The following FRMD3 variants were observed in gnomAD, a reference collection of about 807,000 sequenced individuals.
FRMD3 encodes the protein FERM domain containing 3, also known as FERM domain-containing protein 3.
A neutral mutation model predicts 70.2 loss-of-function variants in FRMD3; 33 were observed. The ratio of observed to expected loss-of-function variants is 0.47; its 90% CI spans 0.36 to 0.63. The LOEUF (loss-of-function observed/expected upper bound fraction) is 0.63, where lower values mean the gene tolerates loss of function less well. FRMD3 is among the 20% of genes least tolerant of loss of function. FRMD3 has a pLI of 0.00. For missense variants in FRMD3, 632 were observed against 711.4 expected (o/e 0.89, Z 1.27); for synonymous variants, 279 against 255.9 (o/e 1.09, Z -0.86).
chr9:83,505,860 A>G (rs149177152), intron 1 of FRMD3, among the ~76,000 whole-genome samples: 1 of 152,148 alleles, frequency 6.6e-6, no homozygotes, highest in African/African-American at 2.4e-5. Flanking sequence ...GTCCTCCGTG[A>G]TCCCGGAGAT....
intron 1 of FRMD3, among the ~76,000 whole-genome samples, chr9:83,513,113 CA>C (rs1829376039): frequency 1.3e-5 from 2 of 152,220 alleles, no homozygotes; most frequent in African/African-American, 4.8e-5. Context: ...CTCCCACATT[CA>C]TAGAGGCATT....
chr9:83,403,647 C>T (rs1826018162), intron 1 of FRMD3, among the ~76,000 whole-genome samples: 1 of 152,040 alleles, frequency 6.6e-6, no homozygotes, highest in Non-Finnish European at 1.5e-5. Flanking sequence ...GTCTAGTGTA[C>T]TTCACATAAG....
At chr9:83,513,418 AT>A (rs1829383587) in intron 1 of FRMD3, among the ~76,000 whole-genome samples, 1 of 152,188 alleles carries the variant, frequency 6.6e-6, no homozygotes, top group African/African-American at 2.4e-5. Context: ...GTATTATTTG[AT>A]TTTTATTATG....
the FRMD3 span, among the ~76,000 whole-genome samples, chr9:83,560,587 T>C: frequency 3.3e-5 from 5 of 152,218 alleles, no homozygotes; most frequent in Admixed American, 1.3e-4. Flanking sequence ...GGTTTGTAAG[T>C]GGTTTGTTAC....
chr9:83,488,946 C>T (rs1211279058), intron 1 of FRMD3, among the ~76,000 whole-genome samples: 3 of 149,270 alleles, frequency 2.0e-5, no homozygotes, highest in South Asian at 2.1e-4. Context: ...ATTTTCCCCT[C>T]AGCTGGAGCT....
rs1554710645 is a variant in FRMD3, at chr9:83,479,704, G to GAAAGAAAGAAAGAAAGAA, written c.147+58363_147+58380dup. On this transcript the variant is annotated intron_variant, in intron 1 of 13. Transcript: ENST00000304195. ...AGAAAGAAAGAAAGAAAGAAAGAAA[G>GAAAGAAAGAAAGAAAGAA]AAAGAAAGAAAGAAAGAAAAGAAAG... is the stretch of plus-strand genomic sequence containing the variant. Among the ~76,000 whole-genome samples, 151 of 64,806 alleles carry GAAAGAAAGAAAGAAAGAA rather than the reference G, an allele frequency of 2.3e-3. 6 individuals carry two copies. Among genetic ancestry groups the GAAAGAAAGAAAGAAAGAA allele is most frequent in the African/African-American group, 0.011 (141 of 13,336 alleles). The allele number at this position is 64,806 out of a possible 152,430, so 42.5% of individuals were successfully genotyped here.
At chr9:83,304,447 G>A (rs1422419904) in intron 10 of FRMD3, among the ~76,000 whole-genome samples, 1 of 152,118 alleles carries the variant, frequency 6.6e-6, no homozygotes, top group African/African-American at 2.4e-5. Context: ...TTTTGAATTA[G>A]AATGCACATT....
chr9:83,309,760 C>T (rs1835281848), intron 9 of FRMD3, 136 bp from the exon 10 acceptor site: 3 of 575,312 alleles, frequency 5.2e-6, no homozygotes, highest in Non-Finnish European at 9.4e-6. Context: ...TAACATATTG[C>T]TATGTTATTT....
chr9:83,467,727 T>G, intron 1 of FRMD3: 1 of 1,530,666 alleles, frequency 6.5e-7, no homozygotes, highest in Non-Finnish European at 8.7e-7. Context: ...CTTCTGTCTC[T>G]GGGAGCTCTA....
At chr9:83,544,691 A>C in the FRMD3 span, among the ~76,000 whole-genome samples, 70 of 152,318 alleles carry the variant, frequency 4.6e-4, 1 homozygote, top group East Asian at 6.6e-3. Flanking sequence ...CCGTCTTTAC[A>C]GGAGACTGAG....
intron 1 of FRMD3, among the ~76,000 whole-genome samples, chr9:83,397,787 C>T (rs12000280): frequency 6.6e-6 from 1 of 152,134 alleles, no homozygotes; most frequent in Non-Finnish European, 1.5e-5. Context: ...ACAGAATTGT[C>T]TCTGGTGATT....
intron 1 of FRMD3, among the ~76,000 whole-genome samples, chr9:83,404,835 T>C (rs960829855): frequency 2.6e-5 from 4 of 152,242 alleles, no homozygotes; most frequent in African/African-American, 7.2e-5. Flanking sequence ...TTGCGTTTTC[T>C]AGCTTTCCTA....
At chr9:83,261,694 G>A (rs1414807377) in intron 13 of FRMD3, among the ~76,000 whole-genome samples, 2 of 152,084 alleles carry the variant, frequency 1.3e-5, no homozygotes, top group Non-Finnish European at 2.9e-5. Context: ...GTCCCTTAAG[G>A]TTCTGCCAGC....
At chr9:83,357,817 G>A (rs1406132604) in intron 3 of FRMD3, among the ~76,000 whole-genome samples, 1 of 152,146 alleles carries the variant, frequency 6.6e-6, no homozygotes. Flanking sequence ...GTAGATTCTG[G>A]ATATTAGTCC....
At position 83,246,880 on chromosome 9, in the gene FRMD3, T is replaced by C. The variant is rs147609403; in HGVS notation, c.*1038A>G. ...TGGCATCACCATCACTTTCATAAAA[T>C]AGACCATTCGCCTGTCACCATTTGC... is the stretch of plus-strand genomic sequence containing the variant. On this transcript the variant is annotated 3_prime_UTR_variant, in exon 14 of 14. Coordinates refer to ENST00000304195, the MANE Select transcript of FRMD3 (RefSeq NM_174938.6). 370 of 985,418 alleles carry C rather than the reference T, an allele frequency of 3.8e-4. 3 individuals carry two copies. The African/African-American group carries it at 5.9e-3, about 16-fold the overall frequency. The allele number at this position is 985,418 out of a possible 1,614,324, so 61.0% of individuals were successfully genotyped here.
At chr9:83,267,011 C>T (rs1450363554) in intron 13 of FRMD3, 1 of 1,550,754 alleles carries the variant, frequency 6.4e-7, no homozygotes, top group East Asian at 2.4e-5. Context: ...ACCACACATA[C>T]CAGTGTTACG....
intron 13 of FRMD3, among the ~76,000 whole-genome samples, chr9:83,290,074 C>G (rs777042860): frequency 6.6e-6 from 1 of 151,982 alleles, no homozygotes; most frequent in Non-Finnish European, 1.5e-5. Flanking sequence ...AATGGGATGA[C>G]GAGTGTAGAG....
At chr9:83,331,278 T>C (rs1836248419) in intron 6 of FRMD3, among the ~76,000 whole-genome samples, 1 of 152,164 alleles carries the variant, frequency 6.6e-6, no homozygotes, top group Non-Finnish European at 1.5e-5. Flanking sequence ...CAAAAGGAAA[T>C]GAGCTCTTAA....
At chr9:83,435,900 T>C (rs1002295780) in intron 1 of FRMD3, among the ~76,000 whole-genome samples, 3 of 152,110 alleles carry the variant, frequency 2.0e-5, no homozygotes, top group African/African-American at 4.8e-5. Flanking sequence ...AAGACCACAA[T>C]AGAGAGAAAT....
Sources: allele counts gnomAD v4.1 joint callset (sites outside exome capture counted in the v4.1 genomes callset), GRCh38; gene constraint gnomAD v4.1.1; transcripts MANE v1.5; gene names NCBI Gene and HGNC (gene_info 2026-07-23, HGNC 2026-07-21).